Variants in POLR3C observed in about 807,000 individuals in gnomAD.
The protein encoded by POLR3C is DNA-directed RNA polymerase III subunit RPC3.
In POLR3C, 44 loss-of-function variants were observed where a neutral mutation model predicts 65.9. The observed-to-expected ratio is 0.67, with a 90% confidence interval of 0.52 to 0.86. POLR3C has a LOEUF of 0.86. POLR3C is among the 40% of genes least tolerant of loss of function. The pLI is 0.00. For missense variants in POLR3C, 576 were observed against 653.2 expected (o/e 0.88, Z 1.29); for synonymous variants, 263 against 231.6 (o/e 1.14, Z -1.23).
intron 5 of POLR3C, among the ~76,000 whole-genome samples, chr1:145,832,084 A>AT: frequency 6.6e-6 from 1 of 152,312 alleles, no homozygotes; most frequent in Non-Finnish European, 1.5e-5. Context: ...AGCCACATAA[A>AT]GTTTTAAGAA....
At chr1:145,828,686 T>C in intron 4 of POLR3C, 63 bp from the exon 5 acceptor site, 1 of 1,139,284 alleles carries the variant, frequency 8.8e-7, no homozygotes. Context: ...CCTGCTCTCA[T>C]GTTTGGTCAT....
rs997305275 is a variant in POLR3C, at chr1:145,841,010, G to A, written c.1462G>A (p.Glu488Lys). Residue 488 changes from glutamate to lysine, a missense_variant, in exon 14 of 15, where the codon GAG becomes AAG. Transcript: ENST00000334163. ...GAEEAQLQEI[E>K]EMITAPERQQ... ...AGAGGAAGCACAGTTACAAGAAATA[G>A]AGGAGATGATCACAGCTCCTGAACG... is the stretch of plus-strand genomic sequence containing the variant. 3 of 1,612,992 alleles carry A rather than the reference G, an allele frequency of 1.9e-6. No individual in the cohort carries two copies. Among genetic ancestry groups the A allele is most frequent in the Non-Finnish European group, 2.5e-6 (3 of 1,178,930 alleles).
intron 2 of POLR3C, 72 bp downstream of exon 2, chr1:145,825,995 C>T (rs1650710266): frequency 2.4e-6 from 3 of 1,241,556 alleles, no homozygotes; most frequent in African/African-American, 3.0e-5. Flanking sequence ...GAATATTGTT[C>T]TTCTCACCCC....
chr1:145,833,233 A>G lies in POLR3C; in HGVS notation c.679-27A>G, dbSNP rs782073928. ...CACCAGAAAACTTTACACTATAGCTAAATGTTTCTCTAAATCTTTTCCTCA... is the reference window on the plus strand; with the variant it reads ...CACCAGAAAACTTTACACTATAGCTGAATGTTTCTCTAAATCTTTTCCTCA... On this transcript the variant is annotated intron_variant, in intron 5 of 14. Transcript: ENST00000334163. The G allele has an allele frequency of 4.3e-6, 6 of 1,392,042 alleles. No individual in the cohort carries two copies. In the South Asian group the frequency reaches 6.0e-5, roughly 14 times the overall value. 86.2% of individuals were successfully genotyped at this position (1,392,042 alleles called of 1,614,324 possible).
At chr1:145,824,579 G>C (rs1553725271) in intron 1 of POLR3C, 1 of 1,255,496 alleles carries the variant, frequency 8.0e-7, no homozygotes, top group Admixed American at 2.3e-5. Flanking sequence ...GGGTGGGGAC[G>C]GGGAGGCAAA....
chr1:145,828,621 C>T (rs1196935014), intron 4 of POLR3C, 128 bp from the exon 5 acceptor site: 3 of 666,546 alleles, frequency 4.5e-6, no homozygotes, highest in African/African-American at 1.8e-5. Context: ...GCTCTTCAGC[C>T]CCCTAAGCAA....
chr1:145,830,655 C>T (rs1465205220), intron 5 of POLR3C, among the ~76,000 whole-genome samples: 3 of 151,734 alleles, frequency 2.0e-5, no homozygotes, highest in South Asian at 2.1e-4. Flanking sequence ...AAAAATTAAC[C>T]GGCCATGGTG....
intron 7 of POLR3C, among the ~76,000 whole-genome samples, chr1:145,835,984 T>C (rs1553728475): frequency 6.6e-6 from 1 of 152,226 alleles, no homozygotes; most frequent in Non-Finnish European, 1.5e-5. Context: ...CTGTATCATA[T>C]TCCACTTAAT....
chr1:145,833,509 G>T lies in POLR3C; in HGVS notation c.803G>T (p.Arg268Leu). 6.2e-7 allele frequency: 1 copy of T among 1,613,386 alleles called. No individual in the cohort carries two copies. Among genetic ancestry groups the T allele is most frequent in the Non-Finnish European group, 8.5e-7 (1 of 1,179,318 alleles). ...RMDQTSSEIV[R>L]TMLRMSEITT... ...AAACAGACAAGCAGCGAGATTGTGCGAACCATGCTCCGAATGAGTGAGATT... is the reference window on the plus strand; with the variant it reads ...AAACAGACAAGCAGCGAGATTGTGCTAACCATGCTCCGAATGAGTGAGATT... Residue 268 changes from arginine to leucine, a missense_variant, in exon 7 of 15, where the codon CGA (arginine) becomes CTA (leucine). Physicochemically the swap from Arg to Leu is moderately radical, Grantham distance 102 (BLOSUM62 -2). Transcript: ENST00000334163.
rs1350552687 is a variant in POLR3C at position 145,828,789 on chromosome 1, T to G, written c.630T>G (p.Ala210=). The G allele has an allele frequency of 6.2e-7, 1 of 1,611,352 alleles. No homozygotes were observed. The highest frequency in any genetic ancestry group is 8.5e-7 in the Non-Finnish European group (1 of 1,177,608). Reference sequence around the variant, plus strand: ...GGAGATCATCTGATGAAGATGCTGCTGGGGAGCCCAAGGCCAAGAGACCAA... The same window carrying G: ...GGAGATCATCTGATGAAGATGCTGCGGGGGAGCCCAAGGCCAAGAGACCAA... The part of the protein sequence containing the change: ...KRRRSSDEDA[A]GEPKAKRPKY... Residue 210 remains alanine (A), a synonymous_variant, in exon 5 of 15, where the codon GCT becomes GCG. Coordinates refer to ENST00000334163, the MANE Select transcript of POLR3C (RefSeq NM_006468.8).
chr1:145,824,576 G>C, intron 1 of POLR3C: 1 of 1,259,200 alleles, frequency 7.9e-7, no homozygotes, highest in Non-Finnish European at 1.0e-6. Flanking sequence ...GCGGGGTGGG[G>C]ACGGGGAGGC....
At chr1:145,827,085 T>G (rs948808854) in intron 4 of POLR3C, 80 bp downstream of exon 4, 1 of 1,129,820 alleles carries the variant, frequency 8.9e-7, no homozygotes, top group African/African-American at 1.6e-5. Context: ...GAAATGTGAT[T>G]GTATTTACCA....
intron 12 of POLR3C, 59 bp from the exon 13 acceptor site, chr1:145,840,057 C>G: frequency 1.3e-6 from 2 of 1,508,020 alleles, no homozygotes; most frequent in Admixed American, 1.7e-5. Flanking sequence ...GTGCCCACTT[C>G]GCCCTGAGCT....
rs781872421 is a variant in POLR3C, at chr1:145,838,066, C to T, written c.1081C>T (p.Arg361Cys). The change falls in exon 11 of 15, where the codon CGC (arginine) becomes TGC (cysteine). Residue 361 changes from arginine to cysteine, a missense_variant. By Grantham distance (180) the Arg-to-Cys change is radical. Transcript: ENST00000334163. ...TTCATTCCTTTCCAGATTTGGGTCTCGCTGTGCTAGAATATTCCGTCTAGT... is the reference window on the plus strand; with the variant it reads ...TTCATTCCTTTCCAGATTTGGGTCTTGCTGTGCTAGAATATTCCGTCTAGT... ...ESVVQERFGS[R>C]CARIFRLVLQ... The T allele has an allele frequency of 9.9e-6, 16 of 1,613,944 alleles. No homozygotes were observed. Among genetic ancestry groups the T allele is most frequent in the Non-Finnish European group, 1.2e-5 (14 of 1,179,872 alleles).
At chr1:145,841,797 C>CT (rs750147073) in intron 14 of POLR3C, among the ~76,000 whole-genome samples, 37 of 144,786 alleles carry the variant, frequency 2.6e-4, no homozygotes, top group Admixed American at 4.8e-4. Context: ...GATGCCTTTA[C>CT]TTTTTTTTTT....
At chr1:145,824,446 AAGGAAGTGTAGAGCT>A (rs1570712607) in intron 1 of POLR3C, 77 bp downstream of exon 1, 1 of 790,984 alleles carries the variant, frequency 1.3e-6, no homozygotes, top group East Asian at 6.3e-5. Context: ...AACCTGTGTA[AAGGAAGTGTAGAGCT>A]AGGAGCCAAG....
At chr1:145,834,042 A>T (rs1200099923) in intron 7 of POLR3C, among the ~76,000 whole-genome samples, 1 of 152,192 alleles carries the variant, frequency 6.6e-6, no homozygotes. Flanking sequence ...CATAGGGTGT[A>T]CTTAACACAA....
Position 145,844,205 on chromosome 1 carries a change from C to T in POLR3C, c.*1785C>T, listed in dbSNP as rs587707287. On this transcript the variant is annotated 3_prime_UTR_variant, in exon 15 of 15. Coordinates refer to ENST00000334163, the MANE Select transcript of POLR3C (RefSeq NM_006468.8). The stretch of plus-strand genomic sequence containing the variant: ...AAGAAATCAATGTATCAAAAAGATA[C>T]CTGCACTCCCATGTTTATTGCAGCA... 2.6e-5 allele frequency among the ~76,000 whole-genome samples: 4 copies of T among 152,118 alleles called. No individual in the cohort carries two copies. Among genetic ancestry groups the T allele is most frequent in the Non-Finnish European group, 4.4e-5 (3 of 68,032 alleles).
intron 11 of POLR3C, 115 bp downstream of exon 11, chr1:145,838,321 A>C (rs1553729413): frequency 7.4e-6 from 6 of 807,660 alleles, no homozygotes. Flanking sequence ...GCTCTGAGAC[A>C]GAAAAACATG....
Sources: allele counts gnomAD v4.1 joint callset (sites outside exome capture counted in the v4.1 genomes callset), GRCh38; gene constraint gnomAD v4.1.1; transcripts MANE v1.5; gene names NCBI Gene and HGNC (gene_info 2026-07-23, HGNC 2026-07-21).